The following SOX5 variants were observed in gnomAD, a reference collection of about 807,000 sequenced individuals.
SOX5 encodes transcription factor SOX-5.
SOX5 carries 9 observed loss-of-function variants against 92.0 expected under a neutral mutation model. The ratio of observed to expected loss-of-function variants is 0.10; its 90% confidence interval spans 0.06 to 0.17. The LOEUF (loss-of-function observed/expected upper bound fraction) is 0.17. Among genes scored for constraint, SOX5 ranks in the 10% least tolerant of loss-of-function variants. The probability of loss-of-function intolerance (pLI) is 1.00; values close to 1 mark genes in which losing one functional copy is unlikely to be tolerated. For missense variants in SOX5, 642 were observed against 944.5 expected (o/e 0.68, Z 4.20); for synonymous variants, 344 against 336.3 (o/e 1.02, Z -0.25).
At chr12:23,765,384 G>GAAAAAAAAAAAA (rs1240381243) in intron 3 of SOX5, among the ~76,000 whole-genome samples, 1 of 2,170 alleles carries the variant, frequency 4.6e-4, no homozygotes, top group Non-Finnish European at 8.2e-3. Flanking sequence ...GTGTAAAACA[G>GAAAAAAAAAAAA]CAAAAAAAAA....
chr12:23,706,054 A>G (rs939586213), intron 6 of SOX5, among the ~76,000 whole-genome samples: 6 of 151,988 alleles, frequency 3.9e-5, no homozygotes, highest in Non-Finnish European at 7.4e-5. Flanking sequence ...AAGTGAGATT[A>G]ATGACATGGT....
At chr12:23,607,725 G>A (rs1174420223) in intron 8 of SOX5, among the ~76,000 whole-genome samples, 2 of 152,108 alleles carry the variant, frequency 1.3e-5, no homozygotes, top group South Asian at 4.1e-4. Context: ...ATGAAATCTA[G>A]TGACCACTGG....
At chr12:24,491,477 A>G (rs1947069859) in intron 1 of SOX5, among the ~76,000 whole-genome samples, 1 of 152,148 alleles carries the variant, frequency 6.6e-6, no homozygotes, top group Non-Finnish European at 1.5e-5. Flanking sequence ...AAAAAAAAAA[A>G]TTCTCAACCT....
intron 3 of SOX5, among the ~76,000 whole-genome samples, chr12:23,799,998 T>A (rs1333062436): frequency 3.9e-5 from 6 of 152,024 alleles, no homozygotes; most frequent in Admixed American, 3.9e-4. Context: ...ATAAAATATG[T>A]CATTGGCTCA....
Position 23,530,836 on chromosome 12 carries a change from CATGT to C in SOX5, c.*3379_*3382del, listed in dbSNP as rs1938895884. On this transcript the variant is annotated 3_prime_UTR_variant, in exon 15 of 15. Transcript: ENST00000451604. ...GTGTGTGTGCGCGCGCGCGCGCGCGCATGTGAGAGAGAGAGAGAAAGGGAAAGAG... is the reference window on the plus strand; with the variant it reads ...GTGTGTGTGCGCGCGCGCGCGCGCGCGAGAGAGAGAGAGAAAGGGAAAGAG... The C allele has an allele frequency of 1.2e-4, 3 of 25,714 alleles. No individual in the cohort carries two copies. In the Admixed American group the frequency reaches 1.2e-3, roughly 10 times the overall value. 1.6% of individuals were successfully genotyped at this position (25,714 alleles called of 1,614,324 possible). A position where few individuals can be genotyped will look rare whatever the true frequency, so the allele number is the denominator to read the frequency against.
At chr12:24,436,581 C>G (rs537583125) in intron 1 of SOX5, among the ~76,000 whole-genome samples, 5 of 152,312 alleles carry the variant, frequency 3.3e-5, no homozygotes, top group African/African-American at 1.2e-4. Context: ...GAAGCCATCT[C>G]CATAACATAA....
chr12:23,791,375 T>C (rs1230546359), intron 3 of SOX5, among the ~76,000 whole-genome samples: 1 of 152,178 alleles, frequency 6.6e-6, no homozygotes, highest in African/African-American at 2.4e-5. Flanking sequence ...AATCATAGCA[T>C]ACTACAGCCT....
intron 4 of SOX5, among the ~76,000 whole-genome samples, chr12:24,205,720 G>C (rs767185219): frequency 5.9e-5 from 9 of 152,142 alleles, no homozygotes; most frequent in Non-Finnish European, 1.0e-4. Flanking sequence ...GGCTTCAATG[G>C]TTTCCAAATA....
At chr12:23,747,336 A>G (rs2094021033) in intron 4 of SOX5, among the ~76,000 whole-genome samples, 1 of 152,134 alleles carries the variant, frequency 6.6e-6, no homozygotes, top group Non-Finnish European at 1.5e-5. Context: ...TTTCCTTACT[A>G]AAATCCATTC....
intron 4 of SOX5, among the ~76,000 whole-genome samples, chr12:23,978,137 G>T (rs1485038770): frequency 6.6e-6 from 1 of 152,134 alleles, no homozygotes; most frequent in African/African-American, 2.4e-5. Context: ...GGACCCAAAG[G>T]TGTGCTAAAT....
intron 6 of SOX5, among the ~76,000 whole-genome samples, chr12:23,700,003 T>G (rs113507577): frequency 0.011 from 1,631 of 152,192 alleles, 35 homozygotes; most frequent in African/African-American, 0.038. Context: ...GAAGAAATGA[T>G]GGGTGCAATT....
chr12:24,242,836 T>C (rs1257321333), intron 3 of SOX5, among the ~76,000 whole-genome samples: 1 of 150,620 alleles, frequency 6.6e-6, no homozygotes, highest in South Asian at 2.1e-4. Context: ...TGCAAGATTT[T>C]TAGCCCAGCA....
At chr12:23,617,427 A>G (rs1435109743) in intron 8 of SOX5, among the ~76,000 whole-genome samples, 2 of 152,204 alleles carry the variant, frequency 1.3e-5, no homozygotes, top group Admixed American at 6.5e-5. Context: ...TATAGTGAAT[A>G]CATGTACAGA....
At chr12:23,590,456 C>G (rs528078116) in intron 9 of SOX5, among the ~76,000 whole-genome samples, 1 of 152,006 alleles carries the variant, frequency 6.6e-6, no homozygotes, top group African/African-American at 2.4e-5. Flanking sequence ...CCTATGTGTC[C>G]TTGCACAGAC....
intron 10 of SOX5, among the ~76,000 whole-genome samples, chr12:23,566,280 T>A (rs1947069452): frequency 6.6e-6 from 1 of 152,220 alleles, no homozygotes; most frequent in Non-Finnish European, 1.5e-5. Context: ...TCTCTTTTTA[T>A]CTTTGAAGTC....
chr12:23,945,537 C>T (rs1164931479), intron 1 of SOX5, among the ~76,000 whole-genome samples: 8 of 152,266 alleles, frequency 5.3e-5, no homozygotes, highest in Non-Finnish European at 1.2e-4. Context: ...TTATGAACTG[C>T]CTCATGCAAG....
At chr12:24,011,515 C>T (rs1309696918) in intron 4 of SOX5, among the ~76,000 whole-genome samples, 1 of 152,114 alleles carries the variant, frequency 6.6e-6, no homozygotes, top group Non-Finnish European at 1.5e-5. Context: ...GAAGAAGATT[C>T]CATATTTTTT....
chr12:24,520,934 A>G (rs1055052160), intron 1 of SOX5, among the ~76,000 whole-genome samples: 4 of 152,244 alleles, frequency 2.6e-5, no homozygotes, highest in Admixed American at 2.6e-4. Context: ...AAAAAGGTCA[A>G]TTCAACAGGA....
chr12:23,833,207 G>A (rs908006501), intron 3 of SOX5, among the ~76,000 whole-genome samples: 4 of 151,972 alleles, frequency 2.6e-5, no homozygotes, highest in African/African-American at 7.2e-5. Flanking sequence ...TGGAAGACTA[G>A]AAGGAACAGG....
Sources: allele counts gnomAD v4.1 joint callset (sites outside exome capture counted in the v4.1 genomes callset), GRCh38; gene constraint gnomAD v4.1.1; transcripts MANE v1.5; gene names NCBI Gene and HGNC (gene_info 2026-07-23, HGNC 2026-07-21).